DCTD: variants seen among roughly 807,000 people sequenced by gnomAD.
DCTD encodes deoxycytidylate deaminase.
In DCTD, 23 loss-of-function variants were observed where a neutral mutation model predicts 21.0. The observed-to-expected ratio is 1.09, with a 90% CI of 0.79 to 1.55. The LOEUF (loss-of-function observed/expected upper bound fraction) is 1.55. Among genes scored for constraint, DCTD ranks in the 40% most tolerant of loss-of-function variants. The pLI, the probability that DCTD is intolerant of heterozygous loss-of-function variation, is 0.00. For synonymous variants in DCTD, 71 were observed against 81.1 expected, an observed-to-expected ratio of 0.88 and a Z score of 0.67; for missense variants, 224 against 230.0, an observed-to-expected ratio of 0.97 and a Z score of 0.17.
intron 3 of DCTD, among the ~76,000 whole-genome samples, chr4:182,908,403 C>T (rs546827828): frequency 6.6e-5 from 10 of 152,146 alleles, no homozygotes; most frequent in East Asian, 1.9e-4. Flanking sequence ...AAGAAGTGGC[C>T]GGGCACAGTG....
At chr4:182,899,697 G>A (rs1202833929) in intron 3 of DCTD, among the ~76,000 whole-genome samples, 2 of 151,802 alleles carry the variant, frequency 1.3e-5, no homozygotes, top group African/African-American at 2.4e-5. Context: ...CACCGCGCCC[G>A]GCCAGTCACT....
rs577745874 is a variant in DCTD at position 182,901,325 on chromosome 4, T to C, written c.245-6720A>G. ...AAATTTGGAGTCAGGAAAATGAAGG[T>C]TCTGATCTAGTTCTGAACTCTAGTT... is the stretch of plus-strand genomic sequence containing the variant. On this transcript the variant is annotated intron_variant, in intron 3 of 5. Coordinates refer to ENST00000438320, the MANE Select transcript of DCTD (RefSeq NM_001921.3). Among the ~76,000 whole-genome samples, 3 of 152,276 alleles carry C rather than the reference T, an allele frequency of 2.0e-5. No homozygotes were observed. In the East Asian group the frequency reaches 5.8e-4, roughly 29 times the overall value.
chr4:182,898,410 A>G (rs1735130242), intron 3 of DCTD, among the ~76,000 whole-genome samples: 1 of 152,254 alleles, frequency 6.6e-6, no homozygotes, highest in Non-Finnish European at 1.5e-5. Context: ...TGCAGGAGTG[A>G]CAGTGGATCT....
chr4:182,909,585 A>G (rs960162746), intron 3 of DCTD, among the ~76,000 whole-genome samples: 1 of 152,230 alleles, frequency 6.6e-6, no homozygotes, highest in South Asian at 2.1e-4. Context: ...GGACTGACTA[A>G]CGAAACCAGA....
At chr4:182,891,844 TAATGCAAA>T (rs1188047900) in intron 5 of DCTD, among the ~76,000 whole-genome samples, 1 of 151,994 alleles carries the variant, frequency 6.6e-6, no homozygotes, top group Non-Finnish European at 1.5e-5. Flanking sequence ...GGAGTCTCTC[TAATGCAAA>T]AAAATAGTAA....
chr4:182,893,641 C>A (rs1274611335), intron 4 of DCTD, among the ~76,000 whole-genome samples: 1 of 152,280 alleles, frequency 6.6e-6, no homozygotes, highest in African/African-American at 2.4e-5. Flanking sequence ...GGGCCCCGCA[C>A]TGAAGGCCGC....
intron 4 of DCTD, among the ~76,000 whole-genome samples, chr4:182,893,818 G>A (rs527941168): frequency 9.8e-5 from 15 of 152,368 alleles, no homozygotes; most frequent in Admixed American, 8.5e-4. Context: ...CCAGCAGGCC[G>A]CTTCTGCTCT....
rs550554309 is a variant in DCTD at position 182,915,350 on chromosome 4, G to C, written c.108+111C>G. ...AGAAACGCAGCACAAAAGGCAGACC[G>C]ACCCTGCACTTTTAAGTTGACAGGC... On this transcript the variant is annotated intron_variant, in intron 2 of 5. Coordinates refer to ENST00000438320, the MANE Select transcript of DCTD (RefSeq NM_001921.3). 6.2e-6 allele frequency: 5 copies of C among 810,838 alleles called. No individual in the cohort carries two copies. In the Admixed American group the frequency reaches 1.0e-4, roughly 16 times the overall value. The allele number at this position is 810,838 out of a possible 1,614,324, so 50.2% of individuals were successfully genotyped here.
At chr4:182,901,490 C>T (rs1476595102) in intron 3 of DCTD, among the ~76,000 whole-genome samples, 5 of 152,182 alleles carry the variant, frequency 3.3e-5, no homozygotes, top group Admixed American at 3.3e-4. Context: ...GGTGTGGTGG[C>T]TCCCGCTAGG....
In DCTD at chr4:182,915,524, C is replaced by T; in HGVS notation, c.45G>A (p.Trp15Ter). The T allele has an allele frequency of 6.2e-7, 1 of 1,613,914 alleles. No homozygotes were observed. Among genetic ancestry groups the T allele is most frequent in the South Asian group, 1.1e-5 (1 of 91,072 alleles). Residue 15 changes from tryptophan to a stop codon, truncating the protein, a stop_gained, in exon 2 of 6, where the codon TGG becomes TGA. Transcript: ENST00000438320. LOFTEE classifies it high-confidence loss of function. ...AGGCCACAGCCATAAAATACTCTGGCCATTCCAAATAGTCGTCCCGTTTCT... is the reference window on the plus strand; with the variant it reads ...AGGCCACAGCCATAAAATACTCTGGTCATTCCAAATAGTCGTCCCGTTTCT... Reference protein sequence around the residue: ...SCKKRDDYLEWPEYFMAVAFL... With the variant: ...SCKKRDDYLE
chr4:182,897,363 C>A (rs116410363), intron 3 of DCTD, among the ~76,000 whole-genome samples: 2,076 of 149,468 alleles, frequency 0.014, 38 homozygotes, highest in African/African-American at 0.047. Context: ...ATATTAATAC[C>A]AGCACCATCA....
intron 3 of DCTD, 136 bp downstream of exon 3, chr4:182,914,787 T>C: frequency 1.0e-6 from 1 of 961,488 alleles, no homozygotes; most frequent in Non-Finnish European, 1.6e-6. Context: ...GCCAGGAAAT[T>C]GGGGTAGTTC....
At chr4:182,904,286 G>C (rs1334808758) in intron 3 of DCTD, among the ~76,000 whole-genome samples, 1 of 152,182 alleles carries the variant, frequency 6.6e-6, no homozygotes, top group Non-Finnish European at 1.5e-5. Context: ...ATCAGGTCAG[G>C]AGGAGGAGGA....
chr4:182,902,917 G>A (rs1161638621), intron 3 of DCTD, among the ~76,000 whole-genome samples: 1 of 152,186 alleles, frequency 6.6e-6, no homozygotes, highest in East Asian at 1.9e-4. Flanking sequence ...CAGGTGCAAG[G>A]GGAACTGAAT....
chr4:182,897,297 T>A (rs1734904801), intron 3 of DCTD, among the ~76,000 whole-genome samples: 1 of 150,838 alleles, frequency 6.6e-6, no homozygotes, highest in African/African-American at 2.4e-5. Context: ...TGTTAAAAAA[T>A]ATATATATAT....
intron 4 of DCTD, 30 bp from the exon 5 acceptor site, chr4:182,893,157 T>A (rs1189897926): frequency 7.7e-7 from 1 of 1,300,618 alleles, no homozygotes; most frequent in African/African-American, 1.4e-5. Flanking sequence ...GCTCCCTTAG[T>A]GTACGCACCT....
intron 3 of DCTD, among the ~76,000 whole-genome samples, chr4:182,903,091 A>G (rs1463750760): frequency 6.6e-6 from 1 of 152,112 alleles, no homozygotes; most frequent in African/African-American, 2.4e-5. Context: ...GCCCCTTCCC[A>G]TCTCACAGGG....
At chr4:182,904,549 C>A (rs13116494) in intron 3 of DCTD, among the ~76,000 whole-genome samples, 48,013 of 151,972 alleles carry the variant, frequency 0.32, 7,796 homozygotes, top group Non-Finnish European at 0.36. Flanking sequence ...AATTCCAGCT[C>A]TCCCTGGCCT....
At chr4:182,900,300 A>G (rs1246618422) in intron 3 of DCTD, among the ~76,000 whole-genome samples, 2 of 151,994 alleles carry the variant, frequency 1.3e-5, no homozygotes, top group Non-Finnish European at 2.9e-5. Context: ...TGGGCAACAG[A>G]GCAAGACCCC....
Sources: gnomAD v4.1 joint callset for allele counts (sites outside exome capture counted in the v4.1 genomes callset) on GRCh38, gnomAD v4.1.1 for gene constraint, MANE v1.5 for transcripts, NCBI Gene and HGNC (gene_info 2026-07-23, HGNC 2026-07-21) for gene names.